Variants in MYO10 observed in about 807,000 individuals in gnomAD.
MYO10 encodes unconventional myosin-X.
In MYO10, 133 loss-of-function variants were observed where a neutral mutation model predicts 257.3. The observed-to-expected ratio is 0.52, with a 90% CI of 0.45 to 0.60. The LOEUF is 0.60. Among genes scored for constraint, MYO10 ranks in the 20% least tolerant of loss-of-function variants. The probability of loss-of-function intolerance (pLI) is 0.00; values close to 1 mark genes in which losing one functional copy is unlikely to be tolerated. For missense variants in MYO10, 2,399 were observed against 2,635.7 expected, an observed-to-expected ratio of 0.91 and a Z score of 1.97; for synonymous variants, 1,104 against 1,028.6, an observed-to-expected ratio of 1.07 and a Z score of -1.40.
intron 1 of MYO10, among the ~76,000 whole-genome samples, chr5:16,898,548 G>C (rs1745277197): frequency 6.6e-6 from 1 of 151,758 alleles, no homozygotes; most frequent in Non-Finnish European, 1.5e-5. Context: ...GAATAGATGG[G>C]ATTACAGGGG....
intron 11 of MYO10, among the ~76,000 whole-genome samples, chr5:16,765,417 G>A (rs914526092): frequency 1.3e-5 from 2 of 152,098 alleles, no homozygotes; most frequent in Non-Finnish European, 2.9e-5. Flanking sequence ...TTGCTCCTTA[G>A]CTTGCACACA....
chr5:16,716,753 G>A (rs1406863315), intron 19 of MYO10, among the ~76,000 whole-genome samples: 4 of 151,894 alleles, frequency 2.6e-5, no homozygotes, highest in African/African-American at 7.3e-5. Flanking sequence ...TTCCAGAGCC[G>A]GCCAAGATTT....
At chr5:16,879,185 CTTGA>C (rs1012819123) in intron 1 of MYO10, among the ~76,000 whole-genome samples, 1 of 152,116 alleles carries the variant, frequency 6.6e-6, no homozygotes, top group Non-Finnish European at 1.5e-5. Context: ...TGACATAGCA[CTTGA>C]TTTTTTTCTC....
At chr5:16,823,723 T>G (rs62369348) in intron 2 of MYO10, among the ~76,000 whole-genome samples, 19,555 of 148,316 alleles carry the variant, frequency 0.13, 1,592 homozygotes, top group South Asian at 0.31. Context: ...CTGCCCGCCT[T>G]GGCCTCCCAA....
chr5:16,692,681 C>T (rs1737561866), intron 27 of MYO10, among the ~76,000 whole-genome samples: 1 of 152,034 alleles, frequency 6.6e-6, no homozygotes, highest in Non-Finnish European at 1.5e-5. Flanking sequence ...GGGTGGATAG[C>T]CACCGAAAGC....
intron 2 of MYO10, among the ~76,000 whole-genome samples, chr5:16,823,444 T>TGTGGGG (rs1561003732): frequency 2.9e-4 from 1 of 3,422 alleles, no homozygotes; most frequent in East Asian, 0.014. Context: ...GACTCCATCT[T>TGTGGGG]GCGCGGGGGG....
intron 2 of MYO10, among the ~76,000 whole-genome samples, chr5:16,846,758 C>T: frequency 6.6e-6 from 1 of 152,214 alleles, no homozygotes; most frequent in East Asian, 1.9e-4. Flanking sequence ...CCTCCCTATT[C>T]TGCAAACCAA....
At chr5:16,710,729 C>T in intron 21 of MYO10, 179 bp downstream of exon 21, 2 of 604,788 alleles carry the variant, frequency 3.3e-6, no homozygotes, top group Non-Finnish European at 5.8e-6. Context: ...AAGGACTTCA[C>T]TTCAAATAAA....
intron 19 of MYO10, among the ~76,000 whole-genome samples, chr5:16,725,790 T>C (rs1339087344): frequency 1.6e-4 from 6 of 37,828 alleles, no homozygotes; most frequent in Non-Finnish European, 3.6e-4. Flanking sequence ...GTACCCCCTT[T>C]TTTTTTTTTT....
chr5:16,832,801 C>G (rs554380679), intron 2 of MYO10, among the ~76,000 whole-genome samples: 1 of 152,194 alleles, frequency 6.6e-6, no homozygotes, highest in African/African-American at 2.4e-5. Flanking sequence ...AAAACAAAAA[C>G]TGACCTCGGC....
intron 19 of MYO10, among the ~76,000 whole-genome samples, chr5:16,714,758 G>C (rs899608662): frequency 6.6e-6 from 1 of 152,182 alleles, no homozygotes; most frequent in African/African-American, 2.4e-5. Flanking sequence ...AGGAGGCAGA[G>C]CTTGCAGTGA....
chr5:16,793,801 C>A (rs527517640), intron 4 of MYO10, among the ~76,000 whole-genome samples: 5 of 151,908 alleles, frequency 3.3e-5, no homozygotes, highest in South Asian at 2.1e-4. Flanking sequence ...GGTGGCGACG[C>A]ATGCCTGTAA....
At chr5:16,687,272 G>A (rs1404378968) in intron 28 of MYO10, among the ~76,000 whole-genome samples, 3 of 151,774 alleles carry the variant, frequency 2.0e-5, no homozygotes, top group East Asian at 1.9e-4. Context: ...AATGAGCCAC[G>A]ATTATTCCAC....
intron 1 of MYO10, among the ~76,000 whole-genome samples, chr5:16,934,258 A>G (rs1338037123): frequency 6.6e-6 from 1 of 152,250 alleles, no homozygotes; most frequent in Non-Finnish European, 1.5e-5. Context: ...CCCAAGGGGG[A>G]GCCACGGACC....
At position 16,779,651 on chromosome 5, in the gene MYO10, A is replaced by G. The variant is rs546045624; in HGVS notation, c.827-3T>C. 1.9e-6 allele frequency: 3 copies of G among 1,554,762 alleles called. No homozygotes were observed. The highest frequency in any genetic ancestry group is 3.6e-5 in the Admixed American group (2 of 54,988). On this transcript the variant is annotated splice_polypyrimidine_tract_variant and splice_region_variant and intron_variant, in intron 8 of 40. Transcript: ENST00000513610. ...TGGCGTAGATAAATAAAATTCTTCT[A>G]CAGAAAGACAAAAACATGATGTCAC... is the stretch of plus-strand genomic sequence containing the variant.
intron 3 of MYO10, chr5:16,814,473 T>G (rs1742543585): frequency 6.6e-6 from 1 of 152,144 alleles, no homozygotes; most frequent in Admixed American, 6.5e-5. Context: ...GTTGGTACAC[T>G]TATGGTAACT....
chr5:16,758,775 A>G (rs1387340940), intron 17 of MYO10, among the ~76,000 whole-genome samples: 8 of 152,146 alleles, frequency 5.3e-5, no homozygotes, highest in Non-Finnish European at 1.2e-4. Context: ...TTTATCCCCT[A>G]ATGCCAGGTG....
At position 16,674,006 on chromosome 5, in the gene MYO10, T is replaced by C. The variant is rs937162064; in HGVS notation, c.4965-117A>G. On this transcript the variant is annotated intron_variant, in intron 35 of 40. Coordinates refer to ENST00000513610, the MANE Select transcript of MYO10 (RefSeq NM_012334.3). ...CAGTGAATGGTCCCCCACTGGTGAA[T>C]GGAGCAAGCACCAGTGACTTCTTGG... 12 of 837,434 alleles carry C rather than the reference T, an allele frequency of 1.4e-5. No homozygotes were observed. The East Asian group carries it at 1.5e-4, about 10-fold the overall frequency. 51.9% of individuals were successfully genotyped at this position (837,434 alleles called of 1,614,324 possible). A position where few individuals can be genotyped will look rare whatever the true frequency, so the allele number is the denominator to read the frequency against.
At chr5:16,744,724 C>A (rs955835068) in intron 19 of MYO10, among the ~76,000 whole-genome samples, 2 of 150,920 alleles carry the variant, frequency 1.3e-5, no homozygotes, top group Admixed American at 6.6e-5. Flanking sequence ...AAAGATGAAA[C>A]AGAAAATAAA....
Sources: allele counts gnomAD v4.1 joint callset (sites outside exome capture counted in the v4.1 genomes callset), GRCh38; gene constraint gnomAD v4.1.1; transcripts MANE v1.5; gene names NCBI Gene and HGNC (gene_info 2026-07-23, HGNC 2026-07-21).